RB1: variants seen among roughly 807,000 people sequenced by gnomAD.
RB1 encodes retinoblastoma-associated protein.
In RB1, 18 loss-of-function variants were observed where a neutral mutation model predicts 135.4. The observed-to-expected ratio is 0.13, with a 90% CI of 0.09 to 0.20. The LOEUF (loss-of-function observed/expected upper bound fraction) is 0.20. Among genes scored for constraint, RB1 ranks in the 10% least tolerant of loss-of-function variants. The probability of loss-of-function intolerance (pLI) is 1.00; values close to 1 mark genes in which losing one functional copy is unlikely to be tolerated. For missense variants in RB1, 868 were observed against 1,110.0 expected, an observed-to-expected ratio of 0.78 and a Z score of 3.10; for synonymous variants, 365 against 373.2, an observed-to-expected ratio of 0.98 and a Z score of 0.25.
Position 48,410,512 on chromosome 13 carries a change from A to G in RB1, c.1695+29069A>G, listed in dbSNP as rs537493931. 2.6e-5 allele frequency among the ~76,000 whole-genome samples: 4 copies of G among 152,298 alleles called. No individual in the cohort carries two copies. The South Asian group carries it at 8.3e-4, about 32-fold the overall frequency. ...GTATATTACTTTCTAAATGCCAAGTACTATATTTCACTATCTCTGATGTTT... is the reference window on the plus strand; with the variant it reads ...GTATATTACTTTCTAAATGCCAAGTGCTATATTTCACTATCTCTGATGTTT... On this transcript the variant is annotated intron_variant, in intron 17 of 26. Transcript: ENST00000267163.
chr13:48,388,695 G>T (rs997456134), intron 17 of RB1, among the ~76,000 whole-genome samples: 1 of 152,162 alleles, frequency 6.6e-6, no homozygotes, highest in Non-Finnish European at 1.5e-5. Context: ...TTGGAGAAGG[G>T]ATAAGATCAC....
chr13:48,418,186 G>A (rs1022653331), intron 17 of RB1, among the ~76,000 whole-genome samples: 1 of 151,842 alleles, frequency 6.6e-6, no homozygotes. Flanking sequence ...GGATCTCTCT[G>A]CAGAAACCCT....
At chr13:48,343,633 T>C (rs1241546584) in intron 3 of RB1, among the ~76,000 whole-genome samples, 1 of 152,202 alleles carries the variant, frequency 6.6e-6, no homozygotes, top group East Asian at 1.9e-4. Flanking sequence ...AAAAAAGGCT[T>C]TGTTGTAACA....
At chr13:48,372,377 G>C (rs376543730) in intron 11 of RB1, among the ~76,000 whole-genome samples, 2 of 152,232 alleles carry the variant, frequency 1.3e-5, no homozygotes, top group East Asian at 1.9e-4. Context: ...TTTGAAAGAC[G>C]AGGCTGGGTG....
intron 17 of RB1, among the ~76,000 whole-genome samples, chr13:48,434,237 A>G (rs1949159835): frequency 6.6e-6 from 1 of 151,956 alleles, no homozygotes; most frequent in Non-Finnish European, 1.5e-5. Flanking sequence ...AGTTGAGGCC[A>G]GTAGTTTGAG....
intron 17 of RB1, among the ~76,000 whole-genome samples, chr13:48,452,717 GT>G (rs1332683400): frequency 6.6e-6 from 1 of 151,032 alleles, no homozygotes; most frequent in Non-Finnish European, 1.5e-5. Context: ...CACTTTCTTC[GT>G]TTTTTTTCTG....
intron 2 of RB1, among the ~76,000 whole-genome samples, chr13:48,316,129 G>A (rs565573835): frequency 2.0e-5 from 3 of 152,172 alleles, no homozygotes; most frequent in African/African-American, 4.8e-5. Context: ...CAGAGCAGCC[G>A]CTGACATCCG....
intron 17 of RB1, among the ~76,000 whole-genome samples, chr13:48,448,127 A>C (rs1949301816): frequency 6.6e-6 from 1 of 152,184 alleles, no homozygotes. Context: ...AAAGATTTTC[A>C]ATTCATCCAT....
At chr13:48,323,734 C>A (rs562719770) in intron 2 of RB1, among the ~76,000 whole-genome samples, 3 of 152,046 alleles carry the variant, frequency 2.0e-5, no homozygotes, top group Non-Finnish European at 4.4e-5. Flanking sequence ...TTTACTACAG[C>A]GTGTTTTCTT....
intron 26 of RB1, among the ~76,000 whole-genome samples, chr13:48,478,588 T>C (rs1352608087): frequency 1.3e-5 from 2 of 152,220 alleles, no homozygotes; most frequent in African/African-American, 2.4e-5. Context: ...CTATAGTTAG[T>C]ACATTTCCCA....
At chr13:48,448,863 CTG>C (rs1949307433) in intron 17 of RB1, among the ~76,000 whole-genome samples, 1 of 152,134 alleles carries the variant, frequency 6.6e-6, no homozygotes, top group African/African-American at 2.4e-5. Context: ...AGTAATGAAA[CTG>C]AGGTTCAGAG....
At chr13:48,448,299 T>C (rs1425404680) in intron 17 of RB1, among the ~76,000 whole-genome samples, 1 of 152,188 alleles carries the variant, frequency 6.6e-6, no homozygotes, top group African/African-American at 2.4e-5. Flanking sequence ...ACAAAAATTA[T>C]ATGATTGGAG....
chr13:48,341,983 T>C (rs755336387), intron 2 of RB1, among the ~76,000 whole-genome samples: 1 of 151,962 alleles, frequency 6.6e-6, no homozygotes, highest in Non-Finnish European at 1.5e-5. Flanking sequence ...AAAAGTACTC[T>C]AGTGATAATG....
chr13:48,430,186 A>G (rs771238128), intron 17 of RB1, among the ~76,000 whole-genome samples: 1 of 152,210 alleles, frequency 6.6e-6, no homozygotes, highest in African/African-American at 2.4e-5. Context: ...TTCTTTAGTT[A>G]TAAGGAGTCC....
chr13:48,411,910 A>T (rs766380591), intron 17 of RB1: 1 of 1,613,328 alleles, frequency 6.2e-7, no homozygotes, highest in Non-Finnish European at 8.5e-7. Flanking sequence ...GCTTCTGGAA[A>T]ATTTTCAAAG....
intron 4 of RB1, 102 bp from the exon 5 acceptor site, chr13:48,347,723 A>T: frequency 1.2e-6 from 1 of 806,280 alleles, no homozygotes. Flanking sequence ...TTTGTTTTTA[A>T]AATATATACT....
At chr13:48,306,022 C>T (rs1952077726) in intron 1 of RB1, among the ~76,000 whole-genome samples, 1 of 152,172 alleles carries the variant, frequency 6.6e-6, no homozygotes, top group South Asian at 2.1e-4. Context: ...GTAGTCCATG[C>T]TACTCAGGAG....
At chr13:48,335,609 T>C (rs1593430213) in intron 2 of RB1, among the ~76,000 whole-genome samples, 2 of 152,152 alleles carry the variant, frequency 1.3e-5, no homozygotes, top group East Asian at 3.9e-4. Context: ...ACCTTTTTTT[T>C]TTTGCAAAGT....
chr13:48,442,213 T>A (rs772615351), intron 17 of RB1, among the ~76,000 whole-genome samples: 23 of 152,106 alleles, frequency 1.5e-4, no homozygotes, highest in Non-Finnish European at 2.5e-4. Flanking sequence ...TTTATTTTTT[T>A]TTTTTGAAAT....
Sources: allele counts gnomAD v4.1 joint callset (sites outside exome capture counted in the v4.1 genomes callset), GRCh38; gene constraint gnomAD v4.1.1; transcripts MANE v1.5; gene names NCBI Gene and HGNC (gene_info 2026-07-23, HGNC 2026-07-21).